SRBD1: variants seen among roughly 807,000 people sequenced by gnomAD.
The protein encoded by SRBD1 is S1 RNA binding domain 1, also known as S1 RNA-binding domain-containing protein 1.
Under a neutral mutation model 115.3 loss-of-function variants are expected in SRBD1, and 88 were observed. The observed-to-expected ratio is 0.76, with a 90% CI of 0.64 to 0.91. The LOEUF (loss-of-function observed/expected upper bound fraction) is 0.91. SRBD1 is among the 40% of genes least tolerant of loss of function. SRBD1 has a pLI of 0.00. For missense variants in SRBD1, 1,385 were observed against 1,177.4 expected (o/e 1.18, Z -2.58); for synonymous variants, 509 against 407.7 (o/e 1.25, Z -2.99).
At chr2:45,602,451 A>C (rs898368563) in intron 2 of SRBD1, among the ~76,000 whole-genome samples, 1 of 152,244 alleles carries the variant, frequency 6.6e-6, no homozygotes, top group Non-Finnish European at 1.5e-5. Flanking sequence ...AGTGAAAAGC[A>C]CTTAAATAAG....
At chr2:45,605,773 G>A (rs980551326) in intron 1 of SRBD1, among the ~76,000 whole-genome samples, 3 of 151,942 alleles carry the variant, frequency 2.0e-5, no homozygotes, top group Non-Finnish European at 4.4e-5. Context: ...GTGTGGTCGT[G>A]GGCACCTGAA....
intron 16 of SRBD1, among the ~76,000 whole-genome samples, chr2:45,442,488 C>T (rs1274722421): frequency 6.6e-6 from 1 of 152,144 alleles, no homozygotes; most frequent in Admixed American, 6.5e-5. Flanking sequence ...GTGCCGTGGA[C>T]AACGGCTAGG....
At chr2:45,581,003 C>T (rs775677503) in intron 6 of SRBD1, among the ~76,000 whole-genome samples, 1 of 151,862 alleles carries the variant, frequency 6.6e-6, no homozygotes, top group African/African-American at 2.4e-5. Flanking sequence ...CTTCTTAATC[C>T]ACTCACTCTC....
intron 14 of SRBD1, among the ~76,000 whole-genome samples, chr2:45,533,047 T>C (rs908073075): frequency 1.3e-5 from 2 of 152,088 alleles, no homozygotes; most frequent in African/African-American, 4.8e-5. Flanking sequence ...AGAAACTGAA[T>C]ACATTTTTTA....
At chr2:45,413,735 C>T (rs571056779) in intron 18 of SRBD1, among the ~76,000 whole-genome samples, 30 of 152,088 alleles carry the variant, frequency 2.0e-4, no homozygotes, top group Middle Eastern at 3.4e-3. Flanking sequence ...CGAGACCAGC[C>T]TGGCCAACAT....
intron 14 of SRBD1, among the ~76,000 whole-genome samples, chr2:45,507,810 A>C (rs1344732845): frequency 6.6e-6 from 1 of 152,188 alleles, no homozygotes; most frequent in Admixed American, 6.5e-5. Flanking sequence ...AAATCGTCTA[A>C]AATCTCTTTT....
chr2:45,423,058 C>T lies in SRBD1; in HGVS notation c.2050-3164G>A, dbSNP rs564943329. ...TTTTATATAGAAAATAATAACCATA[C>T]GACTTTAAAATAAGCTTGATTTAAA... is the stretch of plus-strand genomic sequence containing the variant. On this transcript the variant is annotated intron_variant, in intron 16 of 20. Transcript: ENST00000263736. Among the ~76,000 whole-genome samples, 77 of 152,164 alleles carry T rather than the reference C, an allele frequency of 5.1e-4. No homozygotes were observed. In the South Asian group the frequency reaches 5.6e-3, roughly 11 times the overall value.
intron 14 of SRBD1, among the ~76,000 whole-genome samples, chr2:45,508,269 A>G (rs140386444): frequency 9.2e-5 from 14 of 152,336 alleles, no homozygotes; most frequent in South Asian, 2.1e-4. Flanking sequence ...CATACTGAAC[A>G]CCATGTGTAA....
intron 14 of SRBD1, 126 bp from the exon 15 acceptor site, chr2:45,488,457 TC>T (rs1670187846): frequency 1.6e-6 from 1 of 634,906 alleles, no homozygotes; most frequent in African/African-American, 1.8e-5. Context: ...TCTTCATATC[TC>T]AATGATACTG....
intron 16 of SRBD1, among the ~76,000 whole-genome samples, chr2:45,452,925 CA>C (rs1669038741): frequency 1.3e-5 from 2 of 152,094 alleles, no homozygotes; most frequent in Admixed American, 1.3e-4. Context: ...AGCTATCACA[CA>C]AGGCATTCAT....
chr2:45,588,979 C>T (rs1308732121), intron 4 of SRBD1, among the ~76,000 whole-genome samples: 1 of 152,192 alleles, frequency 6.6e-6, no homozygotes, highest in Non-Finnish European at 1.5e-5. Flanking sequence ...TTCTCTATCA[C>T]ATCCATCTAC....
At chr2:45,507,274 G>GT (rs2103912636) in intron 14 of SRBD1, among the ~76,000 whole-genome samples, 1 of 152,160 alleles carries the variant, frequency 6.6e-6, no homozygotes, top group African/African-American at 2.4e-5. Flanking sequence ...ACAGTGGTCA[G>GT]TTTTTTTCAA....
chr2:45,577,795 G>C (rs567725406), intron 7 of SRBD1, among the ~76,000 whole-genome samples: 17 of 152,046 alleles, frequency 1.1e-4, no homozygotes, highest in African/African-American at 3.6e-4. Context: ...AGGAGACAAA[G>C]AGAAAGAGAA....
chr2:45,466,939 CAG>C (rs1313516336), intron 16 of SRBD1, among the ~76,000 whole-genome samples: 3 of 152,188 alleles, frequency 2.0e-5, no homozygotes, highest in Admixed American at 6.5e-5. Flanking sequence ...CCTAGAAACA[CAG>C]ACTGTCATTG....
At chr2:45,564,240 G>T (rs1281939519) in intron 9 of SRBD1, among the ~76,000 whole-genome samples, 1 of 152,082 alleles carries the variant, frequency 6.6e-6, no homozygotes, top group East Asian at 1.9e-4. Context: ...ACAAAATCAG[G>T]TAGCCCTTCA....
At chr2:45,419,212 C>T (rs890967943) in intron 17 of SRBD1, among the ~76,000 whole-genome samples, 15 of 152,146 alleles carry the variant, frequency 9.9e-5, no homozygotes, top group African/African-American at 2.7e-4. Flanking sequence ...TCAGTGAAAA[C>T]GGTCCAGATC....
chr2:45,413,314 C>A lies in SRBD1; in HGVS notation c.2334-21G>T, dbSNP rs184823914. On this transcript the variant is annotated intron_variant, in intron 18 of 20. Coordinates refer to ENST00000263736, the MANE Select transcript of SRBD1 (RefSeq NM_018079.5). The stretch of plus-strand genomic sequence containing the variant: ...GCTGACTATATAAAACCAGAAAAAA[C>A]CACATTTATGAAAAGGGGAAGGTTG... 9.6e-5 allele frequency: 154 copies of A among 1,597,002 alleles called. No individual in the cohort carries two copies. In the African/African-American group the frequency reaches 1.2e-3, roughly 13 times the overall value.
intron 16 of SRBD1, among the ~76,000 whole-genome samples, chr2:45,456,659 C>T (rs1052063650): frequency 6.6e-6 from 1 of 151,852 alleles, no homozygotes; most frequent in African/African-American, 2.4e-5. Context: ...AAATTACATA[C>T]AGTTGAGTAA....
At chr2:45,605,582 A>C in intron 1 of SRBD1, 141 bp from the exon 2 acceptor site, 6 of 778,622 alleles carry the variant, frequency 7.7e-6, no homozygotes, top group Non-Finnish European at 1.3e-5. Context: ...CCCAAACATC[A>C]GTTTCCTCTG....
Sources: allele counts gnomAD v4.1 joint callset (sites outside exome capture counted in the v4.1 genomes callset), GRCh38; gene constraint gnomAD v4.1.1; transcripts MANE v1.5; gene names NCBI Gene and HGNC (gene_info 2026-07-23, HGNC 2026-07-21).